ADAMTSL1: variants seen among roughly 807,000 people sequenced by gnomAD.
ADAMTSL1 encodes ADAMTS like 1.
ADAMTSL1 carries 126 observed loss-of-function variants against 201.8 expected under a neutral mutation model. The observed-to-expected ratio is 0.62, with a 90% CI of 0.54 to 0.72. The LOEUF is 0.72. Among genes scored for constraint, ADAMTSL1 ranks in the 30% least tolerant of loss-of-function variants. The pLI is 0.00. For synonymous variants in ADAMTSL1, 1,121 were observed against 903.4 expected (o/e 1.24, Z -4.32); for missense variants, 2,679 against 2,277.8 (o/e 1.18, Z -3.59).
chr9:18,478,128 T>C (rs993413583), intron 1 of ADAMTSL1, among the ~76,000 whole-genome samples: 3 of 152,206 alleles, frequency 2.0e-5, no homozygotes, highest in Non-Finnish European at 1.5e-5. Context: ...AGGCTATTAC[T>C]CTAACTTAGG....
chr9:18,179,527 A>G (rs912472630), intron 2 of ADAMTSL1, among the ~76,000 whole-genome samples: 209 of 152,208 alleles, frequency 1.4e-3, no homozygotes, highest in African/African-American at 4.9e-3. Flanking sequence ...TACAGAGAAC[A>G]CCACAAAGAT....
At chr9:18,042,310 A>T (rs1009762379) in intron 1 of ADAMTSL1, among the ~76,000 whole-genome samples, 1 of 152,166 alleles carries the variant, frequency 6.6e-6, no homozygotes, top group Non-Finnish European at 1.5e-5. Context: ...ACTAATTCTG[A>T]TTGAATTTAG....
chr9:18,493,718 T>C (rs1822378297), intron 1 of ADAMTSL1, among the ~76,000 whole-genome samples: 1 of 152,252 alleles, frequency 6.6e-6, no homozygotes, highest in African/African-American at 2.4e-5. Flanking sequence ...TCTGTTCCCT[T>C]GCTTATCTGC....
chr9:18,070,348 G>A (rs1586981546), intron 1 of ADAMTSL1, among the ~76,000 whole-genome samples: 1 of 152,136 alleles, frequency 6.6e-6, no homozygotes, highest in Admixed American at 6.5e-5. Flanking sequence ...CTTCAGAGAG[G>A]GATGGCAGGC....
intron 17 of ADAMTSL1, among the ~76,000 whole-genome samples, chr9:18,772,296 G>A (rs1018248673): frequency 1.3e-5 from 2 of 152,218 alleles, no homozygotes; most frequent in African/African-American, 4.8e-5. Context: ...AGGGACTTGT[G>A]TGTGTTATAA....
At chr9:18,172,623 C>G (rs1258804213) in intron 2 of ADAMTSL1, among the ~76,000 whole-genome samples, 1 of 151,990 alleles carries the variant, frequency 6.6e-6, no homozygotes, top group Non-Finnish European at 1.5e-5. Flanking sequence ...AGCAATTTCA[C>G]TTTAAAAATC....
upstream of ADAMTSL1, among the ~76,000 whole-genome samples, chr9:18,472,487 T>A (rs977803823): frequency 1.3e-5 from 2 of 152,240 alleles, no homozygotes; most frequent in African/African-American, 4.8e-5. Flanking sequence ...GGATAATCTT[T>A]GTATGACCTT....
At chr9:18,378,338 G>A (rs559015056) in intron 2 of ADAMTSL1, among the ~76,000 whole-genome samples, 1 of 152,328 alleles carries the variant, frequency 6.6e-6, no homozygotes, top group South Asian at 2.1e-4. Flanking sequence ...TTTTTCTAAA[G>A]TGTAATGAGA....
At chr9:18,397,214 A>G (rs1220324415) in intron 2 of ADAMTSL1, among the ~76,000 whole-genome samples, 2 of 152,070 alleles carry the variant, frequency 1.3e-5, no homozygotes, top group Non-Finnish European at 2.9e-5. Flanking sequence ...CTAATAGTCT[A>G]TGGAGTTATG....
chr9:18,625,575 A>C (rs1344008671), intron 5 of ADAMTSL1, among the ~76,000 whole-genome samples: 2 of 152,172 alleles, frequency 1.3e-5, no homozygotes, highest in East Asian at 1.9e-4. Flanking sequence ...GTTACTTCTC[A>C]ACTCCCCCAA....
At chr9:18,391,116 C>G (rs1437708590) in intron 2 of ADAMTSL1, among the ~76,000 whole-genome samples, 1 of 152,156 alleles carries the variant, frequency 6.6e-6, no homozygotes, top group Admixed American at 6.6e-5. Flanking sequence ...ACAGCAAAGC[C>G]ATGCCTTGTG....
chr9:18,505,782 C>T (rs537270084), intron 2 of ADAMTSL1, among the ~76,000 whole-genome samples: 14 of 152,166 alleles, frequency 9.2e-5, no homozygotes, highest in South Asian at 2.1e-4. Context: ...TATTATAAAA[C>T]GGGAAACAGA....
chr9:18,102,828 G>C (rs1490964236), intron 1 of ADAMTSL1, among the ~76,000 whole-genome samples: 1 of 152,192 alleles, frequency 6.6e-6, no homozygotes, highest in Non-Finnish European at 1.5e-5. Flanking sequence ...TGGATACAGG[G>C]AGTTTTCAAA....
intron 1 of ADAMTSL1, among the ~76,000 whole-genome samples, chr9:18,021,996 A>G (rs1373433088): frequency 2.6e-5 from 4 of 152,132 alleles, no homozygotes; most frequent in African/African-American, 9.7e-5. Flanking sequence ...AAGTGGTGAT[A>G]AAAGGCATGA....
At chr9:18,232,991 C>G (rs942414006) in intron 2 of ADAMTSL1, among the ~76,000 whole-genome samples, 1 of 152,166 alleles carries the variant, frequency 6.6e-6, no homozygotes, top group African/African-American at 2.4e-5. Flanking sequence ...TTAGAGTTCA[C>G]TAAAGTCAAA....
chr9:18,391,824 C>CTTTTTTTTTTTTTTTTTTTTTT lies in ADAMTSL1; in HGVS notation c.208-112987_208-112986insTTTTTTTTTTTTTTTTTTTTTT, dbSNP rs11407945. ...ACTACTTTTTTTCTTTCTTTTCTTT[C>CTTTTTTTTTTTTTTTTTTTTTT]TTTTTTTTTTTTTTTTTTGAGATGG... On this transcript the variant is annotated intron_variant, in intron 2 of 29. Transcript: ENST00000680146. Among the ~76,000 whole-genome samples the CTTTTTTTTTTTTTTTTTTTTTT allele has an allele frequency of 6.0e-5, 7 of 116,738 alleles. 1 individual carries two copies. Among genetic ancestry groups the CTTTTTTTTTTTTTTTTTTTTTT allele is most frequent in the East Asian group, 2.5e-4 (1 of 4,010 alleles). The allele number at this position is 116,738 out of a possible 152,430, so 76.6% of individuals were successfully genotyped here.
intron 2 of ADAMTSL1, among the ~76,000 whole-genome samples, chr9:18,289,593 C>T (rs1284591631): frequency 1.3e-5 from 2 of 152,172 alleles, no homozygotes; most frequent in Non-Finnish European, 2.9e-5. Flanking sequence ...GTAGCCAGGA[C>T]TTTATCTGCA....
chr9:18,504,511 C>T (rs1193675310), intron 1 of ADAMTSL1, among the ~76,000 whole-genome samples: 1 of 152,144 alleles, frequency 6.6e-6, no homozygotes, highest in Non-Finnish European at 1.5e-5. Context: ...CACTCATGAA[C>T]CCTGAGCAAA....
At chr9:18,263,619 CT>C (rs1476846431) in intron 2 of ADAMTSL1, among the ~76,000 whole-genome samples, 1 of 152,218 alleles carries the variant, frequency 6.6e-6, no homozygotes, top group Non-Finnish European at 1.5e-5. Flanking sequence ...TTTCTGTCCC[CT>C]ACCCCAATTC....
Sources: gnomAD v4.1 joint callset for allele counts (sites outside exome capture counted in the v4.1 genomes callset) on GRCh38, gnomAD v4.1.1 for gene constraint, MANE v1.5 for transcripts, NCBI Gene and HGNC (gene_info 2026-07-23, HGNC 2026-07-21) for gene names.